AFF2: variants seen among roughly 807,000 people sequenced by gnomAD.
AFF2 encodes ALF transcription elongation factor 2, also known as AF4/FMR2 family member 2.
A neutral mutation model predicts 76.9 loss-of-function variants in AFF2; 14 were observed. The ratio of observed to expected loss-of-function variants is 0.18; its 90% CI spans 0.12 to 0.28. The LOEUF (loss-of-function observed/expected upper bound fraction) is 0.28. AFF2 is among the 10% of genes least tolerant of loss of function. AFF2 has a pLI of 1.00. For synonymous variants in AFF2, 398 were observed against 366.7 expected, an observed-to-expected ratio of 1.09 and a Z score of -0.98; for missense variants, 868 against 1,001.1, an observed-to-expected ratio of 0.87 and a Z score of 1.79.
intron 1 of AFF2, among the ~76,000 whole-genome samples, chrX:148,632,529 T>C (rs782271957): frequency 1.1e-3 from 118 of 111,514 alleles, no homozygotes; most frequent in African/African-American, 3.6e-3. Flanking sequence ...CTTGTACTTA[T>C]GTGTTGGTTT....
intron 3 of AFF2, among the ~76,000 whole-genome samples, chrX:148,800,654 C>T (rs1418320116): frequency 2.7e-5 from 3 of 110,791 alleles, no homozygotes; most frequent in African/African-American, 9.9e-5. Flanking sequence ...ATTTAAGACC[C>T]CATAATATAC....
At chrX:148,573,504 G>T (rs1300932245) in intron 1 of AFF2, among the ~76,000 whole-genome samples, 2 of 110,705 alleles carry the variant, frequency 1.8e-5, no homozygotes, top group African/African-American at 6.6e-5. Flanking sequence ...TGGTGATAAA[G>T]ACTTTTTTTT....
intron 5 of AFF2, among the ~76,000 whole-genome samples, chrX:148,839,000 CT>C (rs2070563674): frequency 8.9e-6 from 1 of 112,194 alleles, no homozygotes; most frequent in African/African-American, 3.2e-5. Flanking sequence ...CTCCTTCCCC[CT>C]GGCATCTCCA....
chrX:148,842,843 T>G, intron 5 of AFF2, 123 bp from the exon 6 acceptor site: 1 of 508,680 alleles, frequency 2.0e-6, no homozygotes, highest in African/African-American at 2.4e-5. Context: ...TTAATGGAAT[T>G]GTTAACAGCA....
intron 3 of AFF2, among the ~76,000 whole-genome samples, chrX:148,755,538 G>T (rs2055551740): frequency 8.9e-6 from 1 of 111,953 alleles, no homozygotes; most frequent in African/African-American, 3.2e-5. Context: ...ATAAGAAAAG[G>T]TGGAGGTCAC....
chrX:148,735,720 G>A (rs942997190), intron 3 of AFF2, among the ~76,000 whole-genome samples: 3 of 110,495 alleles, frequency 2.7e-5, no homozygotes, highest in Admixed American at 1.9e-4. Flanking sequence ...CCCATTACCC[G>A]AGCAGCATAC....
intron 1 of AFF2, among the ~76,000 whole-genome samples, chrX:148,614,785 T>C (rs868935313): frequency 0.025 from 1,933 of 78,144 alleles, 38 homozygotes; most frequent in African/African-American, 0.037. Context: ...TTTCTTTCTT[T>C]CTTTCTTCCT....
intron 1 of AFF2, among the ~76,000 whole-genome samples, chrX:148,533,109 G>T (rs1215313033): frequency 2.7e-5 from 3 of 111,553 alleles, no homozygotes; most frequent in African/African-American, 9.8e-5. Flanking sequence ...CTGGGATTCA[G>T]AGTGGCTTTT....
chrX:148,720,918 C>A (rs1483832100), intron 3 of AFF2, among the ~76,000 whole-genome samples: 1 of 111,696 alleles, frequency 9.0e-6, no homozygotes, highest in Non-Finnish European at 1.9e-5. Flanking sequence ...ATATCCATAT[C>A]TCATATTTCT....
chrX:148,712,055 GT>G (rs781798693), intron 3 of AFF2, among the ~76,000 whole-genome samples: 1 of 111,212 alleles, frequency 9.0e-6, no homozygotes, highest in East Asian at 2.8e-4. Flanking sequence ...CATCTCTCTG[GT>G]GTGATCCACA....
chrX:148,710,951 A>G (rs948541267), intron 3 of AFF2, among the ~76,000 whole-genome samples: 2 of 111,662 alleles, frequency 1.8e-5, no homozygotes, highest in Non-Finnish European at 3.8e-5. Flanking sequence ...CTTACTGATC[A>G]CCATTTTCAT....
chrX:148,819,558 A>G (rs2070304979), intron 4 of AFF2, among the ~76,000 whole-genome samples: 1 of 111,429 alleles, frequency 9.0e-6, no homozygotes, highest in Non-Finnish European at 1.9e-5. Flanking sequence ...GTTTCTGGAC[A>G]TAAGTCATTT....
chrX:148,580,793 G>A (rs2053347156), intron 1 of AFF2, among the ~76,000 whole-genome samples: 1 of 107,318 alleles, frequency 9.3e-6, no homozygotes, highest in African/African-American at 3.4e-5. Context: ...TAGGTAAGTG[G>A]GTTGAAATAA....
intron 7 of AFF2, among the ~76,000 whole-genome samples, chrX:148,876,532 A>G (rs1442195692): frequency 3.6e-5 from 4 of 112,000 alleles, no homozygotes; most frequent in African/African-American, 6.5e-5. Flanking sequence ...GCAGAGAAAC[A>G]AGTCCATTCG....
intron 17 of AFF2, 61 bp downstream of exon 17, chrX:148,978,065 T>G: frequency 1.2e-6 from 1 of 848,391 alleles, no homozygotes; most frequent in Non-Finnish European, 1.8e-6. Flanking sequence ...TTGAAAACTC[T>G]AGATCAACTT....
chrX:148,706,885 C>T (rs903537967), intron 3 of AFF2, among the ~76,000 whole-genome samples: 6 of 112,419 alleles, frequency 5.3e-5, no homozygotes, highest in Non-Finnish European at 1.1e-4. Context: ...AGATATCATT[C>T]TTTCATCCTG....
intron 3 of AFF2, among the ~76,000 whole-genome samples, chrX:148,671,432 C>A (rs1557259073): frequency 8.9e-6 from 1 of 111,850 alleles, no homozygotes; most frequent in Admixed American, 9.5e-5. Context: ...CTGGCCTGAA[C>A]TTTGTTTGTA....
intron 1 of AFF2, among the ~76,000 whole-genome samples, chrX:148,514,343 T>C (rs956520997): frequency 3.5e-5 from 4 of 112,803 alleles, no homozygotes; most frequent in Admixed American, 2.8e-4. Context: ...CCGTGAAAGT[T>C]TGGAGTTGGC....
intron 1 of AFF2, among the ~76,000 whole-genome samples, chrX:148,629,868 A>G (rs5980552): frequency 0.28 from 30,547 of 110,722 alleles, 3,785 homozygotes; most frequent in African/African-American, 0.49. Flanking sequence ...CAAACTCACC[A>G]TCATACACCT....
Sources: allele counts gnomAD v4.1 joint callset (sites outside exome capture counted in the v4.1 genomes callset), GRCh38; gene constraint gnomAD v4.1.1; transcripts MANE v1.5; gene names NCBI Gene and HGNC (gene_info 2026-07-23, HGNC 2026-07-21).